The following SCFD2 variants were observed in gnomAD, a reference collection of about 807,000 sequenced individuals.
SCFD2 encodes the protein sec1 family domain containing 2.
Under a neutral mutation model 58.9 loss-of-function variants are expected in SCFD2, and 54 were observed. The ratio of observed to expected loss-of-function variants is 0.92; its 90% CI spans 0.74 to 1.15. SCFD2 has a LOEUF of 1.15. Ranked by LOEUF, SCFD2 falls within the 50% of genes most tolerant of loss-of-function variation. The pLI is 0.00. For synonymous variants in SCFD2, 321 were observed against 335.9 expected, an observed-to-expected ratio of 0.96 and a Z score of 0.49; for missense variants, 805 against 836.6, an observed-to-expected ratio of 0.96 and a Z score of 0.47.
intron 3 of SCFD2, among the ~76,000 whole-genome samples, chr4:53,297,649 T>C (rs58424801): frequency 0.081 from 12,351 of 152,224 alleles, 692 homozygotes; most frequent in South Asian, 0.21. Flanking sequence ...ATTTAGCCCA[T>C]TTACATTTAA....
chr4:53,340,023 C>T lies in SCFD2; in HGVS notation c.1007+12575G>A, dbSNP rs1733812594. ...ACCGAATAGGAACAGCTCCAGTCTA[C>T]AGTTCCCAGTGAGAGCAACGCAGAA... On this transcript the variant is annotated intron_variant, in intron 2 of 8. Coordinates refer to ENST00000401642, the MANE Select transcript of SCFD2 (RefSeq NM_152540.4). Among the ~76,000 whole-genome samples, 3 of 152,286 alleles carry T rather than the reference C, an allele frequency of 2.0e-5. No individual in the cohort carries two copies. In the South Asian group the frequency reaches 6.2e-4, roughly 32 times the overall value.
At chr4:53,281,641 A>G (rs1225066533) in intron 3 of SCFD2, among the ~76,000 whole-genome samples, 1 of 152,236 alleles carries the variant, frequency 6.6e-6, no homozygotes, top group Non-Finnish European at 1.5e-5. Context: ...TCAGAATGAT[A>G]AAAAGTAATA....
intron 5 of SCFD2, among the ~76,000 whole-genome samples, chr4:53,119,135 T>C (rs867764364): frequency 3.9e-5 from 6 of 152,046 alleles, no homozygotes; most frequent in Non-Finnish European, 5.9e-5. Context: ...CCGGCCAACA[T>C]AGTGAAACAC....
chr4:53,115,836 T>G (rs1297426581), intron 5 of SCFD2, among the ~76,000 whole-genome samples: 1 of 152,314 alleles, frequency 6.6e-6, no homozygotes, highest in African/African-American at 2.4e-5. Context: ...ATGCGATGCC[T>G]GCTCCAGAAT....
chr4:52,901,331 C>T (rs1383741407), intron 7 of SCFD2, among the ~76,000 whole-genome samples: 2 of 152,206 alleles, frequency 1.3e-5, no homozygotes, highest in Non-Finnish European at 2.9e-5. Context: ...TGCAGGTCCC[C>T]TCCACTTTAA....
At chr4:53,050,404 T>C (rs1290965671) in intron 5 of SCFD2, among the ~76,000 whole-genome samples, 3 of 152,168 alleles carry the variant, frequency 2.0e-5, no homozygotes, top group African/African-American at 7.2e-5. Context: ...CAAGATAGGT[T>C]GTAGAGGAGG....
At chr4:53,073,485 A>G (rs539064915) in intron 5 of SCFD2, among the ~76,000 whole-genome samples, 8 of 152,180 alleles carry the variant, frequency 5.3e-5, no homozygotes, top group Non-Finnish European at 1.2e-4. Flanking sequence ...CCAGCAGTAA[A>G]TACCACCTGA....
chr4:53,004,713 C>T (rs147485690), intron 5 of SCFD2, among the ~76,000 whole-genome samples: 86 of 152,160 alleles, frequency 5.7e-4, no homozygotes, highest in African/African-American at 2.0e-3. Context: ...CAAATACGGT[C>T]GGAGGCATTC....
At chr4:53,251,483 A>G (rs1730378372) in intron 4 of SCFD2, among the ~76,000 whole-genome samples, 1 of 152,234 alleles carries the variant, frequency 6.6e-6, no homozygotes, top group Non-Finnish European at 1.5e-5. Context: ...AAAAATCCTC[A>G]ATAAAATACT....
At chr4:52,880,426 G>A (rs1057447493) in intron 8 of SCFD2, among the ~76,000 whole-genome samples, 1 of 151,830 alleles carries the variant, frequency 6.6e-6, no homozygotes, top group South Asian at 2.1e-4. Context: ...GACCAGCCTG[G>A]CCAACACTGT....
intron 4 of SCFD2, among the ~76,000 whole-genome samples, chr4:53,157,283 G>A (rs558694475): frequency 6.6e-6 from 1 of 152,094 alleles, no homozygotes; most frequent in Non-Finnish European, 1.5e-5. Flanking sequence ...CAAAATACAA[G>A]GTAGACCAGC....
At chr4:52,936,898 A>G (rs1720151883) in intron 5 of SCFD2, among the ~76,000 whole-genome samples, 1 of 152,246 alleles carries the variant, frequency 6.6e-6, no homozygotes, top group Admixed American at 6.5e-5. Context: ...TGTATTTATT[A>G]GCTGTAAGCT....
chr4:52,940,755 C>T (rs537925169), intron 5 of SCFD2, among the ~76,000 whole-genome samples: 2 of 152,116 alleles, frequency 1.3e-5, no homozygotes, highest in Non-Finnish European at 2.9e-5. Flanking sequence ...TGTTGTAGGA[C>T]TAAGCACTTA....
intron 4 of SCFD2, among the ~76,000 whole-genome samples, chr4:53,186,157 T>C (rs1727730804): frequency 6.6e-6 from 1 of 152,142 alleles, no homozygotes. Flanking sequence ...TATAAGATGG[T>C]GCTATTATTA....
At chr4:53,125,271 CTT>C (rs1446611808) in intron 5 of SCFD2, among the ~76,000 whole-genome samples, 1 of 152,144 alleles carries the variant, frequency 6.6e-6, no homozygotes, top group Non-Finnish European at 1.5e-5. Flanking sequence ...GGGAAAATAA[CTT>C]ATGATAGAGA....
chr4:53,259,781 G>A (rs1211292138), intron 4 of SCFD2, among the ~76,000 whole-genome samples: 1 of 152,050 alleles, frequency 6.6e-6, no homozygotes, highest in Non-Finnish European at 1.5e-5. Flanking sequence ...GACAGAAATT[G>A]CACTGAATTT....
chr4:53,186,502 G>C (rs1727740938), intron 4 of SCFD2, among the ~76,000 whole-genome samples: 1 of 151,768 alleles, frequency 6.6e-6, no homozygotes, highest in Non-Finnish European at 1.5e-5. Context: ...ATTAATATGG[G>C]AAAAAAGGAA....
chr4:53,103,284 G>C (rs73141493), intron 5 of SCFD2, among the ~76,000 whole-genome samples: 1 of 151,996 alleles, frequency 6.6e-6, no homozygotes, highest in African/African-American at 2.4e-5. Context: ...AGTATTGTGG[G>C]TGAGTAGGGG....
chr4:53,003,487 T>C (rs1195761024), intron 5 of SCFD2, among the ~76,000 whole-genome samples: 3 of 152,342 alleles, frequency 2.0e-5, no homozygotes, highest in South Asian at 4.1e-4. Context: ...ATTTCCATCC[T>C]CACAGAATGT....
Sources: gnomAD v4.1 joint callset for allele counts (sites outside exome capture counted in the v4.1 genomes callset) on GRCh38, gnomAD v4.1.1 for gene constraint, MANE v1.5 for transcripts, NCBI Gene and HGNC (gene_info 2026-07-23, HGNC 2026-07-21) for gene names.